Variants in IGDCC3 observed in about 807,000 individuals in gnomAD.
IGDCC3 encodes putative neuronal cell adhesion molecule.
Under a neutral mutation model 72.0 loss-of-function variants are expected in IGDCC3, and 47 were observed. That is an observed-to-expected ratio of 0.65 (90% CI 0.52 to 0.83). The LOEUF is 0.83. IGDCC3 is among the 40% of genes least tolerant of loss of function. The pLI is 0.00. For synonymous variants in IGDCC3, 477 were observed against 472.8 expected (o/e 1.01, Z -0.11); for missense variants, 1,038 against 1,091.3 (o/e 0.95, Z 0.69).
chr15:65,340,682 C>A (rs1305930457), intron 2 of IGDCC3, among the ~76,000 whole-genome samples: 1 of 152,198 alleles, frequency 6.6e-6, no homozygotes, highest in Non-Finnish European at 1.5e-5. Context: ...TACACTTCTA[C>A]TCACTGTACC....
At chr15:65,369,234 A>T (rs1479856896) in intron 2 of IGDCC3, among the ~76,000 whole-genome samples, 1 of 152,126 alleles carries the variant, frequency 6.6e-6, no homozygotes, top group African/African-American at 2.4e-5. Flanking sequence ...GGAGGCAGGC[A>T]CGTCTTGAAG....
chr15:65,343,487 G>A (rs1455415190), intron 2 of IGDCC3, among the ~76,000 whole-genome samples: 3 of 152,124 alleles, frequency 2.0e-5, no homozygotes, highest in Admixed American at 6.5e-5. Context: ...GGGGCTTCAC[G>A]GGGTCCCAAT....
In IGDCC3 at chr15:65,333,275, C is replaced by T; in HGVS notation, c.964G>A (p.Gly322Ser). Reference sequence around the variant, plus strand: ...TCCATACCTTGCACCACCAGCCGGCCCTGTGCCGTTCTCCTCACCCGGGTG... The same window carrying T: ...TCCATACCTTGCACCACCAGCCGGCTCTGTGCCGTTCTCCTCACCCGGGTG... ...PGTRVRRTAQ[G>S]RLVVQAPAEF... The change falls in exon 6 of 14, where the codon GGC (glycine) becomes AGC (serine). Residue 322 changes from glycine to serine, a missense_variant. Physicochemically the swap from Gly to Ser is moderately conservative, Grantham distance 56. Transcript: ENST00000327987. 1 of 1,611,094 alleles carries T rather than the reference C, an allele frequency of 6.2e-7. No individual in the cohort carries two copies. The highest frequency in any genetic ancestry group is 8.5e-7 in the Non-Finnish European group (1 of 1,178,860).
At chr15:65,357,088 G>A (rs923366378) in intron 2 of IGDCC3, among the ~76,000 whole-genome samples, 1 of 151,826 alleles carries the variant, frequency 6.6e-6, no homozygotes, top group Non-Finnish European at 1.5e-5. Context: ...CTGACCTTAG[G>A]CAATCCGCCC....
Position 65,330,348 on chromosome 15 carries a change from T to C in IGDCC3, c.1803A>G (p.Gly601=), listed in dbSNP as rs896431250. 2 of 1,613,988 alleles carry C rather than the reference T, an allele frequency of 1.2e-6. No homozygotes were observed. The highest frequency in any genetic ancestry group is 2.7e-5 in the African/African-American group (2 of 74,922). The change falls in exon 11 of 14, where the codon GGA becomes GGG. Residue 601 remains glycine (G), a synonymous_variant. Coordinates refer to ENST00000327987, the MANE Select transcript of IGDCC3 (RefSeq NM_004884.4). ...EVKLLAYNQH[G]DGNATVRFVS... is the part of the protein sequence containing the mutation. ...CAAAGCGGACTGTGGCATTGCCATC[T>C]CCATGCTGGTTGTAGGCGAGCAGCT...
chr15:65,348,423 A>T (rs2091144691), intron 2 of IGDCC3, among the ~76,000 whole-genome samples: 1 of 152,222 alleles, frequency 6.6e-6, no homozygotes, highest in African/African-American at 2.4e-5. Context: ...TCGCTGACCC[A>T]ACAGCTACCT....
At chr15:65,371,472 T>A (rs471954) in intron 2 of IGDCC3, among the ~76,000 whole-genome samples, 121,275 of 152,148 alleles carry the variant, frequency 0.8, 48,955 homozygotes, top group Middle Eastern at 0.91. Flanking sequence ...ATGACATGGG[T>A]GTGGTCTCTG....
At chr15:65,370,284 T>G (rs1595766095) in intron 2 of IGDCC3, among the ~76,000 whole-genome samples, 1 of 151,870 alleles carries the variant, frequency 6.6e-6, no homozygotes, top group Non-Finnish European at 1.5e-5. Flanking sequence ...TCGGAGGAAG[T>G]GTGTGGATCA....
intron 2 of IGDCC3, among the ~76,000 whole-genome samples, chr15:65,340,355 A>G (rs1161547731): frequency 2.0e-5 from 3 of 152,182 alleles, no homozygotes; most frequent in Non-Finnish European, 2.9e-5. Flanking sequence ...CCCTTTGGCC[A>G]TAGCCAGACT....
Position 65,377,706 on chromosome 15 carries a change from AGCAGCAACAGCAGCG to A in IGDCC3, c.68_82del (p.Pro23_Leu27del). ...CTCACCCTCGCTCGGCGCGGGCAGC[AGCAGCAACAGCAGCG>A]GCAGCAGGAGCCGGGGCCAGAGCGG... is the stretch of plus-strand genomic sequence containing the variant. On this transcript the variant is annotated inframe_deletion, in exon 1 of 14. Transcript: ENST00000327987. The surrounding 1 kb of genome is among the most constrained non-coding windows in gnomAD (Gnocchi z 4.9). 7.2e-7 allele frequency: 1 copy of A among 1,397,458 alleles called. No individual in the cohort carries two copies. The allele number at this position is 1,397,458 out of a possible 1,614,324, so 86.6% of individuals were successfully genotyped here.
intron 2 of IGDCC3, among the ~76,000 whole-genome samples, chr15:65,347,042 C>T (rs957193924): frequency 1.3e-5 from 2 of 152,210 alleles, no homozygotes; most frequent in Admixed American, 6.5e-5. Context: ...CTGCCAGTGT[C>T]AGGGTCACCA....
intron 5 of IGDCC3, 118 bp downstream of exon 5, chr15:65,334,610 C>A (rs997983951): frequency 1.2e-5 from 12 of 961,786 alleles, no homozygotes; most frequent in Middle Eastern, 3.3e-4. Context: ...AGAATGGACC[C>A]CCACAGAGAA....
intron 2 of IGDCC3, among the ~76,000 whole-genome samples, chr15:65,357,745 A>T (rs989459944): frequency 6.6e-6 from 1 of 152,252 alleles, no homozygotes; most frequent in African/African-American, 2.4e-5. Context: ...CAGATGTGAT[A>T]AAAATGTTTT....
intron 2 of IGDCC3, among the ~76,000 whole-genome samples, chr15:65,359,094 G>C (rs776701532): frequency 5.9e-5 from 9 of 152,330 alleles, no homozygotes; most frequent in Middle Eastern, 3.4e-3. Context: ...TGGGACTACA[G>C]GTGTGAGCCA....
chr15:65,333,208 G>T (rs753969916), intron 6 of IGDCC3, 49 bp downstream of exon 6: 4 of 1,513,566 alleles, frequency 2.6e-6, no homozygotes, highest in Non-Finnish European at 8.9e-7. Flanking sequence ...GGGAGGAAGG[G>T]ACTGTGCGGA....
At chr15:65,351,402 C>T (rs1000615799) in intron 2 of IGDCC3, among the ~76,000 whole-genome samples, 6 of 152,030 alleles carry the variant, frequency 3.9e-5, no homozygotes, top group Admixed American at 6.6e-5. Flanking sequence ...GGTATGGTGG[C>T]GGGTGCCTGT....
chr15:65,335,564 G>T, intron 3 of IGDCC3, 143 bp from the exon 4 acceptor site: 1 of 954,058 alleles, frequency 1.0e-6, no homozygotes, highest in Non-Finnish European at 1.6e-6. Context: ...GACTTTCAAA[G>T]GTGGACACAC....
rs779669712 is a variant in IGDCC3, at chr15:65,370,618, G to GTATATATATATA, written c.409+4478_409+4479insTATATATATATA. Among the ~76,000 whole-genome samples, 385 of 56,818 alleles carry GTATATATATATA rather than the reference G, an allele frequency of 6.8e-3. 6 individuals carry two copies. Among genetic ancestry groups the GTATATATATATA allele is most frequent in the Middle Eastern group, 0.036 (4 of 110 alleles). 37.3% of individuals were successfully genotyped at this position (56,818 alleles called of 152,430 possible). A position where few individuals can be genotyped will look rare whatever the true frequency, so the allele number is the denominator to read the frequency against. ...TATATGTATGTGTATATATATGTAT[G>GTATATATATATA]TGTATATATATATATATATATATAT... On this transcript the variant is annotated intron_variant, in intron 2 of 13. Coordinates refer to ENST00000327987, the MANE Select transcript of IGDCC3 (RefSeq NM_004884.4).
In IGDCC3 at chr15:65,333,216, G is replaced by A. The variant is rs555659953; in HGVS notation, c.982+41C>T. ...CTGGGCTGGGAGGAAGGGACTGTGCGGAGATCCCTGCCCTCCTCCTCAGGG... is the reference window on the plus strand; with the variant it reads ...CTGGGCTGGGAGGAAGGGACTGTGCAGAGATCCCTGCCCTCCTCCTCAGGG... On this transcript the variant is annotated intron_variant, in intron 6 of 13. Coordinates refer to ENST00000327987, the MANE Select transcript of IGDCC3 (RefSeq NM_004884.4). 34 of 1,546,854 alleles carry A rather than the reference G, an allele frequency of 2.2e-5. 1 individual carries two copies. The highest frequency in any genetic ancestry group is 9.1e-5 in the Admixed American group (5 of 55,124).
Sources: allele counts gnomAD v4.1 joint callset (sites outside exome capture counted in the v4.1 genomes callset), GRCh38; gene constraint gnomAD v4.1.1; non-coding constraint Gnocchi (gnomAD v3.1); transcripts MANE v1.5; gene names NCBI Gene and HGNC (gene_info 2026-07-23, HGNC 2026-07-21).